The following CDYL2 variants were observed in gnomAD, a reference collection of about 807,000 sequenced individuals.
CDYL2 encodes the protein chromodomain Y like 2.
CDYL2 carries 23 observed loss-of-function variants against 49.4 expected under a neutral mutation model. The observed-to-expected ratio is 0.47, with a 90% CI of 0.34 to 0.66. The LOEUF is 0.66. CDYL2 is among the 30% of genes least tolerant of loss of function. CDYL2 has a pLI of 0.01. For synonymous variants in CDYL2, 360 were observed against 268.8 expected (o/e 1.34, Z -3.32); for missense variants, 678 against 656.4 (o/e 1.03, Z -0.36).
rs565954642 is a variant in CDYL2 at position 80,726,671 on chromosome 16, G to A, written c.25-41542C>T. Among the ~76,000 whole-genome samples, 7 of 152,288 alleles carry A rather than the reference G, an allele frequency of 4.6e-5. No homozygotes were observed. In the South Asian group the frequency reaches 6.2e-4, roughly 14 times the overall value. On this transcript the variant is annotated intron_variant, in intron 1 of 6. Coordinates refer to ENST00000570137, the MANE Select transcript of CDYL2 (RefSeq NM_152342.4). Reference sequence around the variant, plus strand: ...TCATTCTCCAATAAAAGGAGCAAGGGCTTCTTAGAAAAATGTTTGACTCTA... The same window carrying A: ...TCATTCTCCAATAAAAGGAGCAAGGACTTCTTAGAAAAATGTTTGACTCTA...
chr16:80,608,337 G>A, intron 5 of CDYL2, 102 bp from the exon 6 acceptor site: 2 of 1,287,478 alleles, frequency 1.6e-6, no homozygotes, highest in Non-Finnish European at 2.1e-6. Context: ...GTTCTGGAAG[G>A]CATCTTGCCT....
chr16:80,760,338 G>C lies in CDYL2; in HGVS notation c.24+43812C>G, dbSNP rs545880495. 1.3e-4 allele frequency among the ~76,000 whole-genome samples: 20 copies of C among 152,302 alleles called. No homozygotes were observed. In the South Asian group the frequency reaches 4.1e-3, roughly 32 times the overall value. On this transcript the variant is annotated intron_variant, in intron 1 of 6. Coordinates refer to ENST00000570137, the MANE Select transcript of CDYL2 (RefSeq NM_152342.4). ...AGAATGGCTATCACAGACTGTGAAG[G>C]GTAGTGGGGGGTTGGAGGGGAGATG... is the stretch of plus-strand genomic sequence containing the variant.
chr16:80,639,242 A>T (rs536305948), intron 2 of CDYL2, among the ~76,000 whole-genome samples: 1 of 152,338 alleles, frequency 6.6e-6, no homozygotes, highest in African/African-American at 2.4e-5. Flanking sequence ...ATGCTCATTC[A>T]CTGCTGGTGG....
chr16:80,758,594 G>A (rs1428763817), intron 1 of CDYL2, among the ~76,000 whole-genome samples: 1 of 144,824 alleles, frequency 6.9e-6, no homozygotes, highest in East Asian at 2.1e-4. Flanking sequence ...TCAGGCTGGA[G>A]GGCAGTGGCA....
chr16:80,636,570 G>A (rs371548812), intron 2 of CDYL2, among the ~76,000 whole-genome samples: 2 of 152,232 alleles, frequency 1.3e-5, no homozygotes, highest in Admixed American at 6.5e-5. Flanking sequence ...TGCTGGAGAG[G>A]ATGTGGAGAA....
intron 2 of CDYL2, among the ~76,000 whole-genome samples, chr16:80,634,417 G>T (rs1021527608): frequency 5.9e-5 from 9 of 152,188 alleles, no homozygotes; most frequent in Non-Finnish European, 1.0e-4. Flanking sequence ...AACACCGCAT[G>T]TTCTCACACA....
At chr16:80,782,131 A>C (rs1227620148) in intron 1 of CDYL2, among the ~76,000 whole-genome samples, 2 of 152,052 alleles carry the variant, frequency 1.3e-5, no homozygotes, top group Non-Finnish European at 2.9e-5. Context: ...AAATTAATAA[A>C]GAAAAATGAA....
intron 1 of CDYL2, among the ~76,000 whole-genome samples, chr16:80,739,392 G>A (rs1248265752): frequency 6.6e-6 from 1 of 152,160 alleles, no homozygotes; most frequent in East Asian, 1.9e-4. Context: ...CTTAAAAATG[G>A]TTAAGATGGT....
chr16:80,707,888 A>G (rs2142508099), intron 1 of CDYL2, among the ~76,000 whole-genome samples: 2 of 152,230 alleles, frequency 1.3e-5, no homozygotes, highest in East Asian at 3.9e-4. Context: ...CCAGTAAGAG[A>G]CCATTGATGC....
At chr16:80,618,607 T>C (rs1906937609) in intron 4 of CDYL2, among the ~76,000 whole-genome samples, 1 of 152,140 alleles carries the variant, frequency 6.6e-6, no homozygotes, top group Non-Finnish European at 1.5e-5. Flanking sequence ...TCAGCTTCCA[T>C]CCCTTCAGTG....
At chr16:80,699,961 T>G (rs572655146) in intron 1 of CDYL2, among the ~76,000 whole-genome samples, 135 of 151,896 alleles carry the variant, frequency 8.9e-4, no homozygotes, top group Middle Eastern at 3.4e-3. Context: ...CCCGCCTCCC[T>G]GATTCACACC....
chr16:80,710,970 T>C (rs1044549647), intron 1 of CDYL2, among the ~76,000 whole-genome samples: 2 of 152,380 alleles, frequency 1.3e-5, no homozygotes, highest in African/African-American at 4.8e-5. Flanking sequence ...ATCTGAATCC[T>C]GAACTACAGC....
At chr16:80,728,572 A>C (rs1307560509) in intron 1 of CDYL2, among the ~76,000 whole-genome samples, 2 of 152,152 alleles carry the variant, frequency 1.3e-5, no homozygotes, top group Non-Finnish European at 1.5e-5. Flanking sequence ...GCAGGCCAAC[A>C]TTCAGATTCA....
intron 1 of CDYL2, among the ~76,000 whole-genome samples, chr16:80,714,498 A>T (rs1024010963): frequency 4.6e-5 from 7 of 152,226 alleles, no homozygotes; most frequent in African/African-American, 1.7e-4. Flanking sequence ...AAATAAAAAA[A>T]TTTAAAATAA....
At position 80,599,559 on chromosome 16, in the gene CDYL2, T is replaced by C. The variant is rs1346471414; in HGVS notation, c.*4829A>G. 1 of 152,226 alleles carries C rather than the reference T, an allele frequency of 6.6e-6. No homozygotes were observed. The highest frequency in any genetic ancestry group is 1.9e-4 in the East Asian group (1 of 5,198). 9.4% of individuals were successfully genotyped at this position (152,226 alleles called of 1,614,324 possible). A position where few individuals can be genotyped will look rare whatever the true frequency, so the allele number is the denominator to read the frequency against. ...AGTATGGCTTGATACACATAGTTCA[T>C]TGATAAGACACTGAGGACACATGGG... On this transcript the variant is annotated 3_prime_UTR_variant, in exon 7 of 7. Transcript: ENST00000570137.
intron 1 of CDYL2, among the ~76,000 whole-genome samples, chr16:80,802,781 C>G (rs74030452): frequency 0.026 from 3,910 of 152,288 alleles, 187 homozygotes; most frequent in African/African-American, 0.09. Flanking sequence ...GTCAGCAAAC[C>G]CACCACCTGA....
At chr16:80,666,942 C>T (rs1429239121) in intron 2 of CDYL2, among the ~76,000 whole-genome samples, 1 of 152,208 alleles carries the variant, frequency 6.6e-6, no homozygotes, top group Non-Finnish European at 1.5e-5. Flanking sequence ...GACCATCCCT[C>T]CCCTGTGGAG....
At chr16:80,760,854 A>C (rs1312704585) in intron 1 of CDYL2, among the ~76,000 whole-genome samples, 3 of 151,858 alleles carry the variant, frequency 2.0e-5, no homozygotes, top group South Asian at 2.1e-4. Context: ...AAATCATAGA[A>C]ACTGAAGGTT....
chr16:80,698,639 T>C (rs1167713129), intron 1 of CDYL2, among the ~76,000 whole-genome samples: 4 of 152,104 alleles, frequency 2.6e-5, no homozygotes, highest in East Asian at 3.9e-4. Flanking sequence ...CTTGGTACTG[T>C]ATAGTAAGTT....
Sources: allele counts gnomAD v4.1 joint callset (sites outside exome capture counted in the v4.1 genomes callset), GRCh38; gene constraint gnomAD v4.1.1; transcripts MANE v1.5; gene names NCBI Gene and HGNC (gene_info 2026-07-23, HGNC 2026-07-21).